STC2: variants seen among roughly 807,000 people sequenced by gnomAD.
STC2 encodes the protein stanniocalcin 2.
In STC2, 7 loss-of-function variants were observed where a neutral mutation model predicts 22.7. The ratio of observed to expected loss-of-function variants is 0.31; its 90% CI spans 0.18 to 0.58. STC2 has a LOEUF of 0.58. Ranked by LOEUF, STC2 falls within the 20% of genes least tolerant of loss-of-function variation. STC2 has a pLI of 0.89. For synonymous variants in STC2, 158 were observed against 163.4 expected, an observed-to-expected ratio of 0.97 and a Z score of 0.25; for missense variants, 336 against 406.2, an observed-to-expected ratio of 0.83 and a Z score of 1.48.
chr5:173,317,982 G>C lies in STC2; in HGVS notation c.774C>G (p.Ala258=). Residue 258 remains alanine, a synonymous_variant, in exon 4 of 4, where the codon GCC becomes GCG. Coordinates refer to ENST00000265087, the MANE Select transcript of STC2 (RefSeq NM_003714.3). ...GGCTCTTGCTACCTCGCTCACCCTT[G>C]GCACCTCGGCCAGTCTCCCTACTGC... The part of the protein sequence containing the change: ...EPSSRETGRG[A]KGERGSKSHP... 1 of 1,613,342 alleles carries C rather than the reference G, an allele frequency of 6.2e-7. No homozygotes were observed. The highest frequency in any genetic ancestry group is 8.5e-7 in the Non-Finnish European group (1 of 1,179,970).
Position 173,318,072 on chromosome 5 carries a change from C to A in STC2, c.684G>T (p.Gln228His), listed in dbSNP as rs367702518. Reference protein sequence around the residue: ...PPTAPPERQPQVDRTKLSRAH... With the variant: ...PPTAPPERQPHVDRTKLSRAH... ...CCCTGGAGAGCTTGGTTCTGTCCAC[C>A]TGGGGCTGGCGCTCGGGGGGCGCCG... is the stretch of plus-strand genomic sequence containing the variant. Residue 228 changes from glutamine (Q) to histidine (H), a missense_variant, in exon 4 of 4, where the codon CAG becomes CAT. Coordinates refer to ENST00000265087, the MANE Select transcript of STC2 (RefSeq NM_003714.3). The A allele has an allele frequency of 1.2e-6, 2 of 1,608,086 alleles. No individual in the cohort carries two copies. Among genetic ancestry groups the A allele is most frequent in the Non-Finnish European group, 1.7e-6 (2 of 1,177,666 alleles).
chr5:173,324,370 G>A (rs913326094), intron 2 of STC2: 5 of 152,278 alleles, frequency 3.3e-5, no homozygotes, highest in Admixed American at 1.3e-4. Flanking sequence ...ACTAGCTGTC[G>A]TCGGAGAGGT....
Position 173,318,266 on chromosome 5 carries a change from A to AAGAGAGAGAGAGAGAGAGAGAGAGAG in STC2, c.507-43_507-18dup, listed in dbSNP as rs4041247. The AAGAGAGAGAGAGAGAGAGAGAGAGAG allele has an allele frequency of 1.0e-4, 128 of 1,235,868 alleles. 1 individual carries two copies. In the African/African-American group the frequency reaches 1.8e-3, roughly 18 times the overall value. The allele number at this position is 1,235,868 out of a possible 1,614,324, so 76.6% of individuals were successfully genotyped here. On this transcript the variant is annotated splice_polypyrimidine_tract_variant and intron_variant, in intron 3 of 3. Coordinates refer to ENST00000265087, the MANE Select transcript of STC2 (RefSeq NM_003714.3). ...ACGTAGGGTCTAAAGATTGAAAGCAAAGAGAGAGAGAGAGAGAGAGAGAGA... is the reference window on the plus strand; with the variant it reads ...ACGTAGGGTCTAAAGATTGAAAGCAAAGAGAGAGAGAGAGAGAGAGAGAGAGAGAGAGAGAGAGAGAGAGAGAGAGA...
At position 173,325,786 on chromosome 5, in the gene STC2, T is replaced by C. The variant is rs1762538796; in HGVS notation, c.294+82A>G. 8 of 1,588,230 alleles carry C rather than the reference T, an allele frequency of 5.0e-6. No homozygotes were observed. The highest frequency in any genetic ancestry group is 1.3e-5 in the African/African-American group (1 of 74,494). On this transcript the variant is annotated intron_variant, in intron 2 of 3. Transcript: ENST00000265087. The surrounding 1 kb of genome is among the most constrained non-coding windows in gnomAD (Gnocchi z 4.7). ...ACACCACAAGGAACAGCAAAGGAAG[T>C]TGGTTAACAAGGCTTTCCAATGAAC... is the stretch of plus-strand genomic sequence containing the variant.
At position 173,325,006 on chromosome 5, in the gene STC2, T is replaced by C. The variant is rs749721402; in HGVS notation, c.294+862A>G. On this transcript the variant is annotated intron_variant, in intron 2 of 3. Transcript: ENST00000265087. The surrounding 1 kb of genome is among the most constrained non-coding windows in gnomAD (Gnocchi z 4.7). Reference sequence around the variant, plus strand: ...GGCACTGCTTTGTCAGGCTCACTACTATATGTCAGTGGATGGGGACTGGTG... The same window carrying C: ...GGCACTGCTTTGTCAGGCTCACTACCATATGTCAGTGGATGGGGACTGGTG... 4.7e-4 allele frequency among the ~76,000 whole-genome samples: 71 copies of C among 152,216 alleles called. No homozygotes were observed. Among genetic ancestry groups the C allele is most frequent in the Non-Finnish European group, 8.4e-4 (57 of 68,038 alleles).
chr5:173,320,253 G>A (rs1345000457), intron 3 of STC2, among the ~76,000 whole-genome samples: 3 of 152,188 alleles, frequency 2.0e-5, no homozygotes, highest in African/African-American at 4.8e-5. Context: ...CGGCCAGGGC[G>A]TTCTGTCTGC....
In STC2 at chr5:173,328,310, G is replaced by A. The variant is rs1342655240; in HGVS notation, c.-117C>T. ...CTCCTCCCACTCTTCCTTTTTGCTC[G>A]CCTTTTCCCTCCTCCTCGCGGCCGC... On this transcript the variant is annotated 5_prime_UTR_variant, in exon 1 of 4. Coordinates refer to ENST00000265087, the MANE Select transcript of STC2 (RefSeq NM_003714.3). 2.7e-5 allele frequency: 32 copies of A among 1,178,788 alleles called. No individual in the cohort carries two copies. Among genetic ancestry groups the A allele is most frequent in the Non-Finnish European group, 3.4e-5 (30 of 893,820 alleles). 73.0% of individuals were successfully genotyped at this position (1,178,788 alleles called of 1,614,324 possible).
At chr5:173,318,457 C>G (rs1417430760) in intron 3 of STC2, among the ~76,000 whole-genome samples, 1 of 152,154 alleles carries the variant, frequency 6.6e-6, no homozygotes, top group African/African-American at 2.4e-5. Flanking sequence ...TCAACCAACA[C>G]TTATTGGGTG....
rs747529951 is a variant in STC2, at chr5:173,325,331, T to A, written c.294+537A>T. Reference sequence around the variant, plus strand: ...GTGGGTCAGGCCCTGACTATATTTATCATATAGAGCAAAAGGAAAGTGTGG... The same window carrying A: ...GTGGGTCAGGCCCTGACTATATTTAACATATAGAGCAAAAGGAAAGTGTGG... On this transcript the variant is annotated intron_variant, in intron 2 of 3. Transcript: ENST00000265087. The surrounding 1 kb of genome is among the most constrained non-coding windows in gnomAD (Gnocchi z 4.7). Among the ~76,000 whole-genome samples, 13 of 152,126 alleles carry A rather than the reference T, an allele frequency of 8.5e-5. No homozygotes were observed. The highest frequency in any genetic ancestry group is 2.0e-4 in the Admixed American group (3 of 15,264).
Position 173,318,265 on chromosome 5 carries a change from A to AG in STC2, c.507-17_507-16insC, listed in dbSNP as rs1491401835. Reference sequence around the variant, plus strand: ...CACGTAGGGTCTAAAGATTGAAAGCAAAGAGAGAGAGAGAGAGAGAGAGAG... The same window carrying AG: ...CACGTAGGGTCTAAAGATTGAAAGCAGAAGAGAGAGAGAGAGAGAGAGAGAG... On this transcript the variant is annotated splice_polypyrimidine_tract_variant and intron_variant, in intron 3 of 3. Transcript: ENST00000265087. 1.4e-5 allele frequency: 19 copies of AG among 1,368,918 alleles called. No homozygotes were observed. The East Asian group carries it at 1.6e-4, about 11-fold the overall frequency. 84.8% of individuals were successfully genotyped at this position (1,368,918 alleles called of 1,614,324 possible).
Position 173,316,854 on chromosome 5 carries a change from G to C in STC2, c.*993C>G, listed in dbSNP as rs1416743583. On this transcript the variant is annotated 3_prime_UTR_variant, in exon 4 of 4. Transcript: ENST00000265087. ...GATAACGAAATCCTAAGGGAAATTTGTCAAATGTACTCCCCAGGTGTGTAT... is the reference window on the plus strand; with the variant it reads ...GATAACGAAATCCTAAGGGAAATTTCTCAAATGTACTCCCCAGGTGTGTAT... The C allele has an allele frequency of 2.0e-5, 3 of 152,166 alleles. No homozygotes were observed. The highest frequency in any genetic ancestry group is 6.5e-5 in the Admixed American group (1 of 15,274). The allele number at this position is 152,166 out of a possible 1,614,324, so 9.4% of individuals were successfully genotyped here.
chr5:173,326,176 G>A lies in STC2; in HGVS notation c.152-166C>T, dbSNP rs146162200. On this transcript the variant is annotated intron_variant, in intron 1 of 3. Coordinates refer to ENST00000265087, the MANE Select transcript of STC2 (RefSeq NM_003714.3). ...TAAAAAGCCTGGGAAACAAAATTTC[G>A]TCCTTTAATCTACTCATGAAAAATA... 5.3e-3 allele frequency among the ~76,000 whole-genome samples: 805 copies of A among 152,164 alleles called. 7 individuals carry two copies. The highest frequency in any genetic ancestry group is 0.018 in the African/African-American group (760 of 41,496).
Position 173,317,763 on chromosome 5 carries a change from T to C in STC2, c.*84A>G. Reference sequence around the variant, plus strand: ...AGAATCCTGCGTGTGACATCCCCCCTCTCTAATGGTAAATGTTTTGGAATG... The same window carrying C: ...AGAATCCTGCGTGTGACATCCCCCCCCTCTAATGGTAAATGTTTTGGAATG... On this transcript the variant is annotated 3_prime_UTR_variant, in exon 4 of 4. Coordinates refer to ENST00000265087, the MANE Select transcript of STC2 (RefSeq NM_003714.3). 6.8e-7 allele frequency: 1 copy of C among 1,467,468 alleles called. No homozygotes were observed. The highest frequency in any genetic ancestry group is 9.1e-7 in the Non-Finnish European group (1 of 1,102,846). 90.9% of individuals were successfully genotyped at this position (1,467,468 alleles called of 1,614,324 possible).
Position 173,323,120 on chromosome 5 carries a change from G to T in STC2, c.506+99C>A. 1 of 1,123,960 alleles carries T rather than the reference G, an allele frequency of 8.9e-7. No homozygotes were observed. Among genetic ancestry groups the T allele is most frequent in the Non-Finnish European group, 1.3e-6 (1 of 756,436 alleles). The allele number at this position is 1,123,960 out of a possible 1,614,324, so 69.6% of individuals were successfully genotyped here. On this transcript the variant is annotated intron_variant, in intron 3 of 3. Coordinates refer to ENST00000265087, the MANE Select transcript of STC2 (RefSeq NM_003714.3). This position sits in a 1 kb window ranked among gnomAD's most constrained non-coding sequence, Gnocchi z 5.4. Reference sequence around the variant, plus strand: ...AATGGAAGCCTTCTCCATTTGACAGGCATTCAGCCTCTAGAAGCAACGCGG... The same window carrying T: ...AATGGAAGCCTTCTCCATTTGACAGTCATTCAGCCTCTAGAAGCAACGCGG...
intron 3 of STC2, among the ~76,000 whole-genome samples, chr5:173,320,705 T>G (rs1229006770): frequency 6.9e-6 from 1 of 144,436 alleles, no homozygotes; most frequent in Non-Finnish European, 1.5e-5. Flanking sequence ...GGGGTGAGTG[T>G]TCTGGTGTGG....
Position 173,317,599 on chromosome 5 carries a change from G to A in STC2, c.*248C>T. The A allele has an allele frequency of 2.8e-6, 1 of 358,998 alleles. No homozygotes were observed. The highest frequency in any genetic ancestry group is 5.0e-6 in the Non-Finnish European group (1 of 200,392). The allele number at this position is 358,998 out of a possible 1,614,324, so 22.2% of individuals were successfully genotyped here. A position where few individuals can be genotyped will look rare whatever the true frequency, so the allele number is the denominator to read the frequency against. ...AGATGGAAAGAAGACAAAGGTACGA[G>A]GATAACGCGGGCGCGCTCCCTTGAG... On this transcript the variant is annotated 3_prime_UTR_variant, in exon 4 of 4. Transcript: ENST00000265087.
chr5:173,320,990 G>A (rs1308808443), intron 3 of STC2, among the ~76,000 whole-genome samples: 1 of 152,068 alleles, frequency 6.6e-6, no homozygotes, highest in Non-Finnish European at 1.5e-5. Flanking sequence ...AGGTAATGGG[G>A]GTTTTTGGGA....
intron 3 of STC2, chr5:173,322,905 C>T (rs1366225573): frequency 5.1e-6 from 2 of 390,928 alleles, no homozygotes; most frequent in East Asian, 1.1e-4. Context: ...TCAGAATATT[C>T]TGAGAGCTAG....
chr5:173,323,117 C>A lies in STC2; in HGVS notation c.506+102G>T, dbSNP rs2277949. ...GTAAATGGAAGCCTTCTCCATTTGA[C>A]AGGCATTCAGCCTCTAGAAGCAACG... On this transcript the variant is annotated intron_variant, in intron 3 of 3. Transcript: ENST00000265087. The surrounding 1 kb of genome is among the most constrained non-coding windows in gnomAD (Gnocchi z 5.4). 78,978 of 1,089,588 alleles carry A rather than the reference C, an allele frequency of 0.072. 5,518 individuals are homozygous for A. The highest frequency in any genetic ancestry group is 0.41 in the East Asian group (15,885 of 39,216). 67.5% of individuals were successfully genotyped at this position (1,089,588 alleles called of 1,614,324 possible). A position where few individuals can be genotyped will look rare whatever the true frequency, so the allele number is the denominator to read the frequency against.
Sources: gnomAD v4.1 joint callset for allele counts (sites outside exome capture counted in the v4.1 genomes callset) on GRCh38, gnomAD v4.1.1 for gene constraint, Gnocchi (gnomAD v3.1) non-coding constraint, MANE v1.5 for transcripts, NCBI Gene and HGNC (gene_info 2026-07-23, HGNC 2026-07-21) for gene names.